Variants in GLI3 observed in about 807,000 individuals in gnomAD.
GLI3 encodes the protein GLI family zinc finger 3.
GLI3 carries 20 observed loss-of-function variants against 100.8 expected under a neutral mutation model. The observed-to-expected ratio is 0.20, with a 90% CI of 0.14 to 0.29. The LOEUF is 0.29. GLI3 is among the 10% of genes least tolerant of loss of function. The probability of loss-of-function intolerance (pLI) is 1.00; values close to 1 mark genes in which losing one functional copy is unlikely to be tolerated. For missense variants in GLI3, 2,040 were observed against 2,128.5 expected, an observed-to-expected ratio of 0.96 and a Z score of 0.82; for synonymous variants, 938 against 860.5, an observed-to-expected ratio of 1.09 and a Z score of -1.58.
At chr7:42,011,093 A>C (rs1788600381) in intron 10 of GLI3, among the ~76,000 whole-genome samples, 1 of 152,234 alleles carries the variant, frequency 6.6e-6, no homozygotes, top group African/African-American at 2.4e-5. Flanking sequence ...TTGACTATTC[A>C]GTCCCACTTT....
chr7:42,231,763 A>G lies in GLI3; in HGVS notation c.-43+5208T>C, dbSNP rs111947956. Among the ~76,000 whole-genome samples, 322 of 152,304 alleles carry G rather than the reference A, an allele frequency of 2.1e-3. 4 individuals are homozygous for G. Among genetic ancestry groups the G allele is most frequent in the African/African-American group, 7.4e-3 (307 of 41,564 alleles). Reference sequence around the variant, plus strand: ...ATGAAATCAATAATAGGGCTTAACTATCTCAGTCCTTCATTACTGCAATTT... The same window carrying G: ...ATGAAATCAATAATAGGGCTTAACTGTCTCAGTCCTTCATTACTGCAATTT... On this transcript the variant is annotated intron_variant, in intron 1 of 14. Coordinates refer to ENST00000395925, the MANE Select transcript of GLI3 (RefSeq NM_000168.6).
intron 4 of GLI3, among the ~76,000 whole-genome samples, chr7:42,071,253 G>A (rs1371383929): frequency 1.3e-5 from 2 of 151,866 alleles, no homozygotes; most frequent in Admixed American, 6.6e-5. Context: ...GTTTGCTACA[G>A]TATTTGCTAG....
At chr7:42,008,861 T>C (rs1239597576) in intron 10 of GLI3, among the ~76,000 whole-genome samples, 1 of 152,266 alleles carries the variant, frequency 6.6e-6, no homozygotes, top group African/African-American at 2.4e-5. Flanking sequence ...GTTGTTATCA[T>C]AATTTTTAAT....
At chr7:42,169,846 A>G (rs1787326535) in intron 2 of GLI3, among the ~76,000 whole-genome samples, 1 of 152,124 alleles carries the variant, frequency 6.6e-6, no homozygotes, top group South Asian at 2.1e-4. Flanking sequence ...ATTACTTCTT[A>G]TTACTTCTTA....
chr7:41,974,523 T>C (rs1000922442), intron 12 of GLI3, among the ~76,000 whole-genome samples: 6 of 152,158 alleles, frequency 3.9e-5, no homozygotes, highest in Non-Finnish European at 8.8e-5. Context: ...CAAAGTTGCA[T>C]ACAACAAAAT....
At chr7:42,258,681 T>A (rs1202912919) in intron 1 of GLI3, among the ~76,000 whole-genome samples, 1 of 152,194 alleles carries the variant, frequency 6.6e-6, no homozygotes, top group Non-Finnish European at 1.5e-5. Context: ...TCTTGATTGA[T>A]GAATGGCCAT....
rs1209776843 is a variant in GLI3 at position 41,966,368 on chromosome 7, G to A, written c.2705C>T (p.Ala902Val). Residue 902 changes from alanine to valine, a missense_variant, in exon 15 of 15, where the codon GCC (alanine) becomes GTC (valine). Transcript: ENST00000395925. The surrounding 1 kb of genome is among the most constrained non-coding windows in gnomAD (Gnocchi z 5.8). Reference sequence around the variant, plus strand: ...GCTGGCTTCGCTGGAGCGGCGCGAGGCGTCGGTGGAGATGGGGTCGTAGGA... The same window carrying A: ...GCTGGCTTCGCTGGAGCGGCGCGAGACGTCGGTGGAGATGGGGTCGTAGGA... ...ADSYDPISTD[A>V]SRRSSEASQS... The A allele has an allele frequency of 3.7e-6, 6 of 1,608,866 alleles. No homozygotes were observed. The highest frequency in any genetic ancestry group is 5.1e-6 in the Non-Finnish European group (6 of 1,179,322).
rs538065315 is a variant in GLI3, at chr7:42,208,759, G to A, written c.124+14371C>T. On this transcript the variant is annotated intron_variant, in intron 2 of 14. Transcript: ENST00000395925. ...CAAAGCACTCTATGAGGATGTTCAA[G>A]AGGTTTGAAAGAGGGCCATGATCTG... Among the ~76,000 whole-genome samples, 7 of 152,310 alleles carry A rather than the reference G, an allele frequency of 4.6e-5. No homozygotes were observed. In the East Asian group the frequency reaches 1.2e-3, roughly 25 times the overall value.
chr7:42,188,153 G>A lies in GLI3; in HGVS notation c.124+34977C>T, dbSNP rs573476296. 1.3e-3 allele frequency among the ~76,000 whole-genome samples: 200 copies of A among 152,240 alleles called. 6 individuals carry two copies. The South Asian group carries it at 0.04, about 30-fold the overall frequency. On this transcript the variant is annotated intron_variant, in intron 2 of 14. Coordinates refer to ENST00000395925, the MANE Select transcript of GLI3 (RefSeq NM_000168.6). ...GGCTCCCAGGAGATGGAAGAGGCAA[G>A]GAAGAATGCTTTTCTAGAGCCGTCA...
chr7:42,183,527 C>G (rs372908357), intron 2 of GLI3, among the ~76,000 whole-genome samples: 3 of 152,146 alleles, frequency 2.0e-5, no homozygotes, highest in African/African-American at 7.2e-5. Context: ...CTGGGGACAG[C>G]AGATAGGAAG....
At chr7:42,213,286 AC>A (rs1788306758) in intron 2 of GLI3, among the ~76,000 whole-genome samples, 1 of 152,250 alleles carries the variant, frequency 6.6e-6, no homozygotes, top group Non-Finnish European at 1.5e-5. Context: ...TATAATGCTG[AC>A]CACTACAATT....
chr7:42,014,032 C>T (rs1231490556), intron 10 of GLI3, among the ~76,000 whole-genome samples: 1 of 152,188 alleles, frequency 6.6e-6, no homozygotes, highest in Non-Finnish European at 1.5e-5. Context: ...AAACTATCCT[C>T]CCAAATTTTA....
Position 41,966,075 on chromosome 7 carries a change from G to A in GLI3, c.2998C>T (p.His1000Tyr), listed in dbSNP as rs1787167028. Residue 1000 changes from histidine (H) to tyrosine (Y), a missense_variant, in exon 15 of 15, where the codon CAC becomes TAC. Around this residue, in one of 5 missense-constraint regions of GLI3, gnomAD observed 1,041 missense variants for 924.0 expected, o/e 1.13. Coordinates refer to ENST00000395925, the MANE Select transcript of GLI3 (RefSeq NM_000168.6). This position sits in a 1 kb window ranked among gnomAD's most constrained non-coding sequence, Gnocchi z 5.8. The part of the protein sequence containing the change: ...RHLQPHDAPG[H>Y]GVRRASDPVR... ...GGGTCGCTGGCCCTCCTCACGCCGTGGCCCGGCGCATCGTGCGGCTGCAGG... is the reference window on the plus strand; with the variant it reads ...GGGTCGCTGGCCCTCCTCACGCCGTAGCCCGGCGCATCGTGCGGCTGCAGG... 6.4e-7 allele frequency: 1 copy of A among 1,573,136 alleles called. No individual in the cohort carries two copies. Among genetic ancestry groups the A allele is most frequent in the Non-Finnish European group, 8.6e-7 (1 of 1,165,736 alleles).
intron 2 of GLI3, among the ~76,000 whole-genome samples, chr7:42,155,332 A>C (rs1001168577): frequency 2.0e-5 from 3 of 151,896 alleles, no homozygotes; most frequent in Admixed American, 2.0e-4. Context: ...CCAGCTACTT[A>C]GGAGTCTGAG....
At position 42,262,209 on chromosome 7, in the gene GLI3, T is replaced by TTCCTTCCTTCCTTCCTTCC. The variant is rs1186292634; in HGVS notation, c.-43+1784_-43+1785insGGAAGGAAGGAAGGAAGGA. The stretch of plus-strand genomic sequence containing the variant: ...TTCTTTTATTTTTTTTCCTTCCTTC[T>TTCCTTCCTTCCTTCCTTCC]TTCCTTCCTTCCTTCTTTCCTTCCT... On this transcript the variant is annotated intron_variant, in intron 1 of 2. Transcript: ENST00000678978. 2.7e-3 allele frequency among the ~76,000 whole-genome samples: 301 copies of TTCCTTCCTTCCTTCCTTCC among 110,854 alleles called. 7 individuals carry two copies. The highest frequency in any genetic ancestry group is 8.0e-3 in the South Asian group (27 of 3,364). 72.7% of individuals were successfully genotyped at this position (110,854 alleles called of 152,430 possible).
At chr7:42,234,194 G>C (rs1788745989) in intron 1 of GLI3, among the ~76,000 whole-genome samples, 1 of 151,770 alleles carries the variant, frequency 6.6e-6, no homozygotes, top group African/African-American at 2.4e-5. Flanking sequence ...GTTTTTCTTA[G>C]TACATTACTG....
At chr7:42,163,396 C>T (rs1048403806) in intron 2 of GLI3, among the ~76,000 whole-genome samples, 1 of 151,738 alleles carries the variant, frequency 6.6e-6, no homozygotes, top group Non-Finnish European at 1.5e-5. Flanking sequence ...GAATTCAACG[C>T]TGCCTCTATC....
chr7:42,048,608 A>G lies in GLI3; in HGVS notation c.562T>C (p.Ser188Pro). 6.2e-7 allele frequency: 1 copy of G among 1,610,938 alleles called. No homozygotes were observed. Among genetic ancestry groups the G allele is most frequent in the Non-Finnish European group, 8.5e-7 (1 of 1,178,896 alleles). Reference protein sequence around the residue: ...PHRNPTAASESPFSPPHPYIN... With the variant: ...PHRNPTAASEPPFSPPHPYIN... ...TAGGGATGTGGAGGGCTGAAGGGAG[A>G]CTCGGAAGCAGCAGTGGGGTTCCGG... is the stretch of plus-strand genomic sequence containing the variant. Residue 188 changes from serine (S) to proline (P), a missense_variant, in exon 5 of 15, where the codon TCT (serine) becomes CCT (proline). This residue lies in a region of GLI3 where 603 missense variants were observed against 690.9 expected (regional missense o/e 0.87). Transcript: ENST00000395925.
chr7:42,016,022 G>C (rs1583792034), intron 10 of GLI3, among the ~76,000 whole-genome samples: 1 of 152,090 alleles, frequency 6.6e-6, no homozygotes, highest in Non-Finnish European at 1.5e-5. Flanking sequence ...CATGACGAGG[G>C]AGGGAATGCG....
Sources: allele counts gnomAD v4.1 joint callset (sites outside exome capture counted in the v4.1 genomes callset), GRCh38; gene constraint gnomAD v4.1.1; regional missense constraint gnomAD v4.1.1; non-coding constraint Gnocchi (gnomAD v3.1); transcripts MANE v1.5; gene names NCBI Gene and HGNC (gene_info 2026-07-23, HGNC 2026-07-21).